CFAP47: variants seen among roughly 807,000 people sequenced by gnomAD.
CFAP47 encodes the protein cilia and flagella associated protein 47, also known as cilia- and flagella-associated protein 47.
In CFAP47, 29 loss-of-function variants were observed where a neutral mutation model predicts 148.1. That is an observed-to-expected ratio of 0.20 (90% CI 0.15 to 0.27). CFAP47 has a LOEUF of 0.27. CFAP47 is among the 10% of genes least tolerant of loss of function. The pLI is 1.00. For synonymous variants in CFAP47, 664 were observed against 577.3 expected, an observed-to-expected ratio of 1.15 and a Z score of -2.15; for missense variants, 1,872 against 1,697.5, an observed-to-expected ratio of 1.10 and a Z score of -1.81.
intron 39 of CFAP47, among the ~76,000 whole-genome samples, chrX:36,175,763 G>A (rs185283757): frequency 0.054 from 6,125 of 112,486 alleles, 152 homozygotes; most frequent in Middle Eastern, 0.11. Context: ...GTTTGTCTGT[G>A]CCCTGCCCCC....
rs761827375 is a variant in CFAP47 at position 35,987,455 on chromosome X, T to TC, written c.2714-1859dup. Among the ~76,000 whole-genome samples, 640 of 110,802 alleles carry TC rather than the reference T, an allele frequency of 5.8e-3. 7 individuals are homozygous for TC. The highest frequency in any genetic ancestry group is 0.02 in the African/African-American group (613 of 30,450). On this transcript the variant is annotated intron_variant, in intron 15 of 63. Coordinates refer to ENST00000378653, the MANE Select transcript of CFAP47 (RefSeq NM_001304548.2). The stretch of plus-strand genomic sequence containing the variant: ...AAGCCTCAGTAATGGCAGACGCCCC[T>TC]CCCCCACTAAGAGCCAGTGTCCCAG...
intron 36 of CFAP47, among the ~76,000 whole-genome samples, chrX:36,148,901 A>ATGTGTG (rs60968920): frequency 0.052 from 4,750 of 92,165 alleles, 326 homozygotes; most frequent in African/African-American, 0.17. Context: ...AACTGTATGT[A>ATGTGTG]TGTGTGTGTG....
chrX:36,332,904 T>G (rs1212676692), intron 57 of CFAP47, among the ~76,000 whole-genome samples: 6 of 112,339 alleles, frequency 5.3e-5, no homozygotes, highest in African/African-American at 1.9e-4. Context: ...CAAGCCCATA[T>G]GCAGCAAAGT....
Position 36,042,598 on chromosome X carries a change from A to G in CFAP47, c.4007+3419A>G, listed in dbSNP as rs191787952. Among the ~76,000 whole-genome samples the G allele has an allele frequency of 4.2e-3, 462 of 111,192 alleles. 4 individuals carry two copies. The highest frequency in any genetic ancestry group is 0.013 in the African/African-American group (405 of 30,773). ...ATAGATAAATATAATAGATAAAGAT[A>G]TGAATGAGCTGTATAGAACTGTATA... is the stretch of plus-strand genomic sequence containing the variant. On this transcript the variant is annotated intron_variant, in intron 25 of 63. Transcript: ENST00000378653.
chrX:36,133,735 A>G (rs148831747), intron 33 of CFAP47, among the ~76,000 whole-genome samples: 5,613 of 108,882 alleles, frequency 0.052, 155 homozygotes, highest in Middle Eastern at 0.086. Flanking sequence ...GTGTTCATCT[A>G]TGTTAATTTA....
intron 2 of CFAP47, among the ~76,000 whole-genome samples, chrX:35,940,935 C>T (rs1159593364): frequency 9.0e-6 from 1 of 111,396 alleles, no homozygotes; most frequent in Non-Finnish European, 1.9e-5. Context: ...TAAGTACTTA[C>T]ATCTTGTACT....
intron 26 of CFAP47, among the ~76,000 whole-genome samples, chrX:36,047,560 ATATCT>A (rs1937481705): frequency 8.9e-6 from 1 of 112,110 alleles, no homozygotes; most frequent in African/African-American, 3.2e-5. Flanking sequence ...ATATTTCTGG[ATATCT>A]TATCTTATAG....
intron 2 of CFAP47, among the ~76,000 whole-genome samples, chrX:35,939,286 A>C: frequency 9.2e-6 from 1 of 108,488 alleles, no homozygotes; most frequent in East Asian, 2.9e-4. Flanking sequence ...TTTTTTTTAA[A>C]TTTAATTTAA....
chrX:36,157,996 AC>A (rs1218846492), intron 37 of CFAP47, among the ~76,000 whole-genome samples: 1 of 111,282 alleles, frequency 9.0e-6, no homozygotes, highest in Non-Finnish European at 1.9e-5. Context: ...AATTAAAATC[AC>A]CCCCACTCCT....
At chrX:35,939,673 T>A (rs1265062247) in intron 2 of CFAP47, among the ~76,000 whole-genome samples, 1,035 of 82,297 alleles carry the variant, frequency 0.013, 26 homozygotes, top group African/African-American at 0.045. Flanking sequence ...ATGTGCCACA[T>A]TTTCTTAATC....
At position 36,279,791 on chromosome X, in the gene CFAP47, G is replaced by A. The variant is rs1196821690; in HGVS notation, c.7445-696G>A. Among the ~76,000 whole-genome samples the A allele has an allele frequency of 2.7e-5, 3 of 110,723 alleles. No homozygotes were observed. In the Admixed American group the frequency reaches 2.9e-4, roughly 11 times the overall value. On this transcript the variant is annotated intron_variant, in intron 49 of 63. Transcript: ENST00000378653. ...GCCATCTCAGCTCACTGCAACTTCC[G>A]CCTCCCGGGTTCAAGTAATTCTCCT...
intron 40 of CFAP47, among the ~76,000 whole-genome samples, chrX:36,182,077 C>T (rs971945435): frequency 1.8e-5 from 2 of 112,396 alleles, no homozygotes; most frequent in Non-Finnish European, 3.8e-5. Flanking sequence ...GATCATGTAG[C>T]ACGAAAATCT....
intron 26 of CFAP47, among the ~76,000 whole-genome samples, chrX:36,061,258 G>A (rs1356368808): frequency 9.0e-6 from 1 of 111,683 alleles, no homozygotes; most frequent in Non-Finnish European, 1.9e-5. Context: ...ATGCCCTCCT[G>A]TACAGCGTGC....
intron 18 of CFAP47, among the ~76,000 whole-genome samples, chrX:35,996,211 A>G (rs1601922468): frequency 9.0e-6 from 1 of 111,236 alleles, no homozygotes; most frequent in South Asian, 3.8e-4. Flanking sequence ...GGACTTGTGT[A>G]TGGGGTTTAT....
chrX:36,150,517 A>G (rs1356848646), intron 37 of CFAP47, among the ~76,000 whole-genome samples: 1 of 112,299 alleles, frequency 8.9e-6, no homozygotes, highest in Non-Finnish European at 1.9e-5. Flanking sequence ...TACTAAAGTT[A>G]CTTTGCTTGA....
rs186113756 is a variant in CFAP47, at chrX:36,088,842, G to A, written c.4916+3304G>A. ...AAATTTTTAAAAATTTATAATTTGT[G>A]TAGTATAAAACTAAAACCGACACAG... is the stretch of plus-strand genomic sequence containing the variant. On this transcript the variant is annotated intron_variant, in intron 30 of 63. Coordinates refer to ENST00000378653, the MANE Select transcript of CFAP47 (RefSeq NM_001304548.2). Among the ~76,000 whole-genome samples, 346 of 111,335 alleles carry A rather than the reference G, an allele frequency of 3.1e-3. 1 individual carries two copies. The highest frequency in any genetic ancestry group is 0.01 in the African/African-American group (322 of 30,703).
At chrX:36,151,153 T>G (rs911555756) in intron 37 of CFAP47, among the ~76,000 whole-genome samples, 1 of 112,146 alleles carries the variant, frequency 8.9e-6, no homozygotes, top group African/African-American at 3.2e-5. Context: ...ATAATTTAGT[T>G]TAAGATTACT....
At chrX:36,221,076 G>T (rs1356031898) in intron 45 of CFAP47, among the ~76,000 whole-genome samples, 1 of 111,593 alleles carries the variant, frequency 9.0e-6, no homozygotes, top group Non-Finnish European at 1.9e-5. Context: ...CAAGTAGAAG[G>T]CCTCTTATTG....
At chrX:36,382,579 A>G (rs782250706) in intron 63 of CFAP47, among the ~76,000 whole-genome samples, 29 of 111,558 alleles carry the variant, frequency 2.6e-4, no homozygotes, top group East Asian at 1.1e-3. Flanking sequence ...ATAAGTATCA[A>G]TTGTTTCCAT....
Sources: gnomAD v4.1 joint callset for allele counts (sites outside exome capture counted in the v4.1 genomes callset) on GRCh38, gnomAD v4.1.1 for gene constraint, MANE v1.5 for transcripts, NCBI Gene and HGNC (gene_info 2026-07-23, HGNC 2026-07-21) for gene names.